Variants in PCDH17 observed in about 807,000 individuals in gnomAD.
PCDH17 encodes protocadherin 17.
A neutral mutation model predicts 67.7 loss-of-function variants in PCDH17; 21 were observed. The observed-to-expected ratio is 0.31, with a 90% confidence interval of 0.22 to 0.45. PCDH17 has a LOEUF of 0.45. PCDH17 is among the 20% of genes least tolerant of loss of function. The probability of loss-of-function intolerance (pLI) is 1.00; values close to 1 mark genes in which losing one functional copy is unlikely to be tolerated. For missense variants in PCDH17, 1,471 were observed against 1,564.8 expected (o/e 0.94, Z 1.01); for synonymous variants, 701 against 656.7 (o/e 1.07, Z -1.03).
chr13:57,693,214 C>CTT (rs5803841), intron 3 of PCDH17, among the ~76,000 whole-genome samples: 1 of 145,314 alleles, frequency 6.9e-6, no homozygotes. Context: ...AGACCAACAT[C>CTT]TTTTTTTTTT....
At position 57,695,736 on chromosome 13, in the gene PCDH17, G is replaced by A. The variant is rs531737569; in HGVS notation, c.2798-28876G>A. On this transcript the variant is annotated intron_variant, in intron 3 of 3. Coordinates refer to ENST00000377918, the MANE Select transcript of PCDH17 (RefSeq NM_001040429.3). ...TAGATTACAAAATTGCCACTACCAC[G>A]TCTCTACTTTATATTCAGCTCTTTA... Among the ~76,000 whole-genome samples the A allele has an allele frequency of 1.5e-4, 22 of 151,342 alleles. No individual in the cohort carries two copies. The South Asian group carries it at 3.3e-3, about 23-fold the overall frequency.
chr13:57,691,915 G>A (rs991598658), intron 3 of PCDH17, among the ~76,000 whole-genome samples: 6 of 151,132 alleles, frequency 4.0e-5, no homozygotes, highest in African/African-American at 1.2e-4. Context: ...ACCTATATTT[G>A]AATGCATATC....
At chr13:57,673,947 C>T (rs1955356135) in intron 3 of PCDH17, among the ~76,000 whole-genome samples, 1 of 151,916 alleles carries the variant, frequency 6.6e-6, no homozygotes, top group Non-Finnish European at 1.5e-5. Context: ...TTTATTTTTG[C>T]TTACCAAAGT....
intron 3 of PCDH17, among the ~76,000 whole-genome samples, chr13:57,707,963 G>A (rs530576237): frequency 6.6e-6 from 1 of 151,902 alleles, no homozygotes; most frequent in South Asian, 2.1e-4. Flanking sequence ...TCCAAATAAG[G>A]TCATATTCTG....
intron 1 of PCDH17, among the ~76,000 whole-genome samples, chr13:57,664,335 G>A (rs1239915739): frequency 6.6e-6 from 1 of 152,122 alleles, no homozygotes; most frequent in Non-Finnish European, 1.5e-5. Context: ...AAATGCTCAT[G>A]CATAAATACA....
chr13:57,633,756 G>C lies in PCDH17; in HGVS notation c.1210G>C (p.Gly404Arg). 6.3e-7 allele frequency: 1 copy of C among 1,589,206 alleles called. No homozygotes were observed. The highest frequency in any genetic ancestry group is 8.5e-7 in the Non-Finnish European group (1 of 1,172,438). The change falls in exon 1 of 4, where the codon GGC (glycine) becomes CGC (arginine). Residue 404 changes from glycine to arginine, a missense_variant. By Grantham distance (125) the Gly-to-Arg change is moderately radical. Coordinates refer to ENST00000377918, the MANE Select transcript of PCDH17 (RefSeq NM_001040429.3). This position sits in a 1 kb window ranked among gnomAD's most constrained non-coding sequence, Gnocchi z 6.2. ...AGGGACGGGCGGCGGCGGGGGCCTG[G>C]GCGGGCCCGGGGGTTCCGTCCCCTT... The part of the protein sequence containing the change: ...GGGTGGGGGL[G>R]GPGGSVPFKL...
At chr13:57,677,867 GA>G (rs1940130577) in intron 3 of PCDH17, among the ~76,000 whole-genome samples, 1 of 151,764 alleles carries the variant, frequency 6.6e-6, no homozygotes, top group Non-Finnish European at 1.5e-5. Flanking sequence ...TAGAAGTAGA[GA>G]GTCAAATGGT....
intron 3 of PCDH17, among the ~76,000 whole-genome samples, chr13:57,690,828 T>C (rs1457842481): frequency 6.6e-6 from 1 of 151,544 alleles, no homozygotes; most frequent in East Asian, 1.9e-4. Flanking sequence ...GTTTTTATGA[T>C]AATCTAAGCA....
intron 1 of PCDH17, among the ~76,000 whole-genome samples, chr13:57,641,170 C>T (rs1417256448): frequency 1.3e-5 from 2 of 151,772 alleles, no homozygotes; most frequent in African/African-American, 4.8e-5. Context: ...TATTGTCAAC[C>T]TACTTTAGTA....
chr13:57,726,887 T>A lies in PCDH17; in HGVS notation c.*1593T>A, dbSNP rs892062449. On this transcript the variant is annotated 3_prime_UTR_variant, in exon 4 of 4. Transcript: ENST00000377918. ...TAATGCATGTATGTACCAGCAGTGGTTACTTGCATTGTGTAGTGTTTTTCA... is the reference window on the plus strand; with the variant it reads ...TAATGCATGTATGTACCAGCAGTGGATACTTGCATTGTGTAGTGTTTTTCA... 10 of 152,516 alleles carry A rather than the reference T, an allele frequency of 6.6e-5. No homozygotes were observed. Among genetic ancestry groups the A allele is most frequent in the African/African-American group, 2.4e-4 (10 of 41,436 alleles). The allele number at this position is 152,516 out of a possible 1,614,324, so 9.4% of individuals were successfully genotyped here.
At chr13:57,643,192 A>G (rs1191461723) in intron 1 of PCDH17, among the ~76,000 whole-genome samples, 1 of 151,536 alleles carries the variant, frequency 6.6e-6, no homozygotes, top group Non-Finnish European at 1.5e-5. Context: ...ACCTAACCAC[A>G]TGTGTAAAGT....
At chr13:57,674,156 C>A (rs1360827279) in intron 3 of PCDH17, among the ~76,000 whole-genome samples, 1 of 151,888 alleles carries the variant, frequency 6.6e-6, no homozygotes, top group African/African-American at 2.4e-5. Context: ...TTGAGAATCT[C>A]TTGCTTTTGC....
At chr13:57,631,352 G>C (rs1055797331), upstream of PCDH17, among the ~76,000 whole-genome samples, 2 of 152,192 alleles carry the variant, frequency 1.3e-5, no homozygotes, top group African/African-American at 4.8e-5. Flanking sequence ...TGTGTGCAAG[G>C]ACTGGGAGGG....
At chr13:57,674,903 G>A (rs73207438) in intron 3 of PCDH17, among the ~76,000 whole-genome samples, 2,061 of 151,854 alleles carry the variant, frequency 0.014, 26 homozygotes, top group Non-Finnish European at 0.021. Flanking sequence ...GAAATATAAC[G>A]CCTCCATTTT....
intron 1 of PCDH17, among the ~76,000 whole-genome samples, chr13:57,645,693 A>G (rs1252077893): frequency 1.3e-5 from 2 of 150,936 alleles, no homozygotes; most frequent in Non-Finnish European, 3.0e-5. Context: ...ATATAATTGT[A>G]TATGGTATAT....
intron 3 of PCDH17, among the ~76,000 whole-genome samples, chr13:57,674,866 C>G (rs1336948408): frequency 2.6e-5 from 4 of 151,872 alleles, no homozygotes; most frequent in African/African-American, 9.7e-5. Context: ...AGCCATATTA[C>G]AAAACATTAT....
intron 3 of PCDH17, among the ~76,000 whole-genome samples, chr13:57,721,326 TTTTA>T (rs1955869867): frequency 6.6e-6 from 1 of 152,154 alleles, no homozygotes; most frequent in African/African-American, 2.4e-5. Context: ...TTCAACTATT[TTTTA>T]TTTGATTTCT....
chr13:57,633,764 C>A lies in PCDH17; in HGVS notation c.1218C>A (p.Pro406=). The change falls in exon 1 of 4, where the codon CCC becomes CCA. Residue 406 remains proline (P), a synonymous_variant. Coordinates refer to ENST00000377918, the MANE Select transcript of PCDH17 (RefSeq NM_001040429.3). The surrounding 1 kb of genome is among the most constrained non-coding windows in gnomAD (Gnocchi z 6.2). ...GCGGCGGCGGGGGCCTGGGCGGGCC[C>A]GGGGGTTCCGTCCCCTTCAAGCTTG... ...GTGGGGGLGG[P]GGSVPFKLEE... is the part of the protein sequence containing the mutation. 1 of 1,592,032 alleles carries A rather than the reference C, an allele frequency of 6.3e-7. No individual in the cohort carries two copies. Among genetic ancestry groups the A allele is most frequent in the Non-Finnish European group, 8.5e-7 (1 of 1,173,462 alleles).
rs184492247 is a variant in PCDH17 at position 57,727,830 on chromosome 13, T to C, written c.*2536T>C. 3.9e-5 allele frequency: 6 copies of C among 152,496 alleles called. No individual in the cohort carries two copies. Among genetic ancestry groups the C allele is most frequent in the Admixed American group, 2.6e-4 (4 of 15,274 alleles). The allele number at this position is 152,496 out of a possible 1,614,324, so 9.4% of individuals were successfully genotyped here. A position where few individuals can be genotyped will look rare whatever the true frequency, so the allele number is the denominator to read the frequency against. ...TTACCAAGTGTTGCTTCTCTCTTAC[T>C]AGACAGATATCCACTTAGTAAAATC... On this transcript the variant is annotated 3_prime_UTR_variant, in exon 4 of 4. Transcript: ENST00000377918.
Sources: gnomAD v4.1 joint callset for allele counts (sites outside exome capture counted in the v4.1 genomes callset) on GRCh38, gnomAD v4.1.1 for gene constraint, Gnocchi (gnomAD v3.1) non-coding constraint, MANE v1.5 for transcripts, NCBI Gene and HGNC (gene_info 2026-07-23, HGNC 2026-07-21) for gene names.